The following RBFOX1 variants were observed in gnomAD, a reference collection of about 807,000 sequenced individuals.
RBFOX1 encodes RNA binding protein fox-1 homolog 1.
A neutral mutation model predicts 57.7 loss-of-function variants in RBFOX1; 8 were observed. The observed-to-expected ratio is 0.14, with a 90% CI of 0.08 to 0.25. The LOEUF (loss-of-function observed/expected upper bound fraction) is 0.25. RBFOX1 is among the 10% of genes least tolerant of loss of function. The pLI is 1.00. For synonymous variants in RBFOX1, 326 were observed against 222.4 expected (o/e 1.47, Z -4.15); for missense variants, 611 against 548.5 (o/e 1.11, Z -1.14).
intron 4 of RBFOX1, among the ~76,000 whole-genome samples, chr16:7,242,105 T>C (rs2152975629): frequency 6.6e-6 from 1 of 152,270 alleles, no homozygotes. Flanking sequence ...TTTCCAAATT[T>C]TCCTTCTGTT....
intron 3 of RBFOX1, among the ~76,000 whole-genome samples, chr16:6,966,517 G>C (rs546624884): frequency 1.3e-5 from 2 of 152,036 alleles, no homozygotes; most frequent in African/African-American, 2.4e-5. Flanking sequence ...AGGGGCGGAC[G>C]GGGGAAGACT....
intron 4 of RBFOX1, among the ~76,000 whole-genome samples, chr16:5,880,181 C>G (rs2057727720): frequency 6.6e-6 from 1 of 152,160 alleles, no homozygotes; most frequent in Admixed American, 6.6e-5. Context: ...GTCAGTCTTT[C>G]CGTTCCAAAC....
At chr16:5,356,715 T>C (rs1249430873) in intron 1 of RBFOX1, among the ~76,000 whole-genome samples, 1 of 152,180 alleles carries the variant, frequency 6.6e-6, no homozygotes, top group East Asian at 1.9e-4. Context: ...TACTATGAGG[T>C]TAATTCAAAG....
intron 4 of RBFOX1, among the ~76,000 whole-genome samples, chr16:7,107,060 A>C (rs986220091): frequency 1.3e-5 from 2 of 151,998 alleles, no homozygotes; most frequent in South Asian, 2.1e-4. Context: ...TGATGTCAGG[A>C]AATACTTCTA....
At position 6,219,125 on chromosome 16, in the gene RBFOX1, G is replaced by A. The variant is rs560509703; in HGVS notation, c.-126-97870G>A. On this transcript the variant is annotated intron_variant, in intron 1 of 15. Transcript: ENST00000550418. Reference sequence around the variant, plus strand: ...AAATTGAGAGCAAAGGTCACAATCTGTGGTTGGTGATTTTTTATATGTCTA... The same window carrying A: ...AAATTGAGAGCAAAGGTCACAATCTATGGTTGGTGATTTTTTATATGTCTA... Among the ~76,000 whole-genome samples the A allele has an allele frequency of 1.8e-4, 27 of 152,300 alleles. No homozygotes were observed. The South Asian group carries it at 5.4e-3, about 30-fold the overall frequency.
chr16:7,490,007 A>G (rs1281294602), intron 4 of RBFOX1, among the ~76,000 whole-genome samples: 1 of 152,102 alleles, frequency 6.6e-6, no homozygotes, highest in Non-Finnish European at 1.5e-5. Context: ...CTCCTTTTGA[A>G]TGGACAGAAA....
intron 4 of RBFOX1, among the ~76,000 whole-genome samples, chr16:7,431,588 C>T (rs936394051): frequency 4.6e-5 from 7 of 152,172 alleles, no homozygotes; most frequent in Middle Eastern, 3.2e-3. Flanking sequence ...GTAAAATACA[C>T]GTAACATAAA....
At chr16:7,413,061 T>A (rs1395549515) in intron 4 of RBFOX1, among the ~76,000 whole-genome samples, 3 of 150,832 alleles carry the variant, frequency 2.0e-5, no homozygotes, top group East Asian at 1.9e-4. Context: ...TAAAAATAAA[T>A]AAAAATAAAA....
intron 4 of RBFOX1, among the ~76,000 whole-genome samples, chr16:7,204,884 G>C (rs933776384): frequency 6.6e-6 from 1 of 152,094 alleles, no homozygotes; most frequent in African/African-American, 2.4e-5. Context: ...GTTCTTGACT[G>C]TTTTGGATAT....
chr16:6,742,911 G>C (rs2072629141), intron 3 of RBFOX1, among the ~76,000 whole-genome samples: 1 of 152,126 alleles, frequency 6.6e-6, no homozygotes, highest in South Asian at 2.1e-4. Flanking sequence ...TGTGGTGGTA[G>C]TTACAGAAAT....
At chr16:7,646,658 C>T (rs941239776) in intron 11 of RBFOX1, among the ~76,000 whole-genome samples, 5 of 152,186 alleles carry the variant, frequency 3.3e-5, no homozygotes, top group Non-Finnish European at 5.9e-5. Context: ...CCCATTAAAG[C>T]GGTTGTATAT....
At chr16:7,398,337 A>G (rs552170571) in intron 4 of RBFOX1, among the ~76,000 whole-genome samples, 1 of 152,330 alleles carries the variant, frequency 6.6e-6, no homozygotes, top group South Asian at 2.1e-4. Flanking sequence ...TTCATCTGTA[A>G]GATGGGGACA....
chr16:7,056,508 C>T (rs1263579343), intron 4 of RBFOX1, among the ~76,000 whole-genome samples: 1 of 152,098 alleles, frequency 6.6e-6, no homozygotes, highest in Non-Finnish European at 1.5e-5. Context: ...GTACAGTGAC[C>T]ATATCCAATT....
chr16:6,327,470 C>A (rs1048613201), intron 2 of RBFOX1, among the ~76,000 whole-genome samples: 4 of 151,882 alleles, frequency 2.6e-5, no homozygotes, highest in African/African-American at 9.7e-5. Context: ...TTTTTCTAAC[C>A]CATTTTTTAA....
chr16:6,959,679 G>A (rs1050263537), intron 3 of RBFOX1, among the ~76,000 whole-genome samples: 1 of 152,182 alleles, frequency 6.6e-6, no homozygotes, highest in East Asian at 1.9e-4. Flanking sequence ...GCTCACATCT[G>A]TAATCTCTAA....
At chr16:7,384,647 A>C (rs1020908600) in intron 4 of RBFOX1, among the ~76,000 whole-genome samples, 1 of 152,182 alleles carries the variant, frequency 6.6e-6, no homozygotes, top group African/African-American at 2.4e-5. Flanking sequence ...CTTTGGAATT[A>C]GTGGAGAGAA....
chr16:6,580,190 C>A (rs2097515927), intron 2 of RBFOX1, among the ~76,000 whole-genome samples: 1 of 152,174 alleles, frequency 6.6e-6, no homozygotes, highest in African/African-American at 2.4e-5. Context: ...AACTCCTGAC[C>A]TCATAATCTG....
At chr16:7,227,852 C>G (rs546149972) in intron 4 of RBFOX1, among the ~76,000 whole-genome samples, 1 of 152,330 alleles carries the variant, frequency 6.6e-6, no homozygotes, top group South Asian at 2.1e-4. Flanking sequence ...GACTTCTGTA[C>G]TGGCTGTTTT....
chr16:5,758,526 C>G (rs1396746407), intron 3 of RBFOX1, among the ~76,000 whole-genome samples: 1 of 152,176 alleles, frequency 6.6e-6, no homozygotes, highest in East Asian at 1.9e-4. Context: ...CAAAGTGAGC[C>G]ATTTCTGTGA....
Sources: gnomAD v4.1 joint callset for allele counts (sites outside exome capture counted in the v4.1 genomes callset) on GRCh38, gnomAD v4.1.1 for gene constraint, MANE v1.5 for transcripts, NCBI Gene and HGNC (gene_info 2026-07-23, HGNC 2026-07-21) for gene names.